Variants in CDKAL1 observed in about 807,000 individuals in gnomAD.
CDKAL1 encodes the protein threonylcarbamoyladenosine tRNA methylthiotransferase.
In CDKAL1, 32 loss-of-function variants were observed where a neutral mutation model predicts 68.2. That is an observed-to-expected ratio of 0.47 (90% confidence interval 0.35 to 0.63). CDKAL1 has a LOEUF of 0.63. Ranked by LOEUF, CDKAL1 falls within the 30% of genes least tolerant of loss-of-function variation. The pLI, the probability that CDKAL1 is intolerant of heterozygous loss-of-function variation, is 0.00. For synonymous variants in CDKAL1, 234 were observed against 244.3 expected (o/e 0.96, Z 0.39); for missense variants, 606 against 696.7 (o/e 0.87, Z 1.47).
intron 8 of CDKAL1, among the ~76,000 whole-genome samples, chr6:20,802,896 C>T (rs1331653029): frequency 6.6e-6 from 1 of 152,098 alleles, no homozygotes; most frequent in Non-Finnish European, 1.5e-5. Context: ...GAGAAGAGTA[C>T]TGCTGAAATT....
chr6:21,131,920 C>CATT (rs1775340279), intron 13 of CDKAL1, among the ~76,000 whole-genome samples: 1 of 151,922 alleles, frequency 6.6e-6, no homozygotes, highest in Non-Finnish European at 1.5e-5. Context: ...TCTAAGGCAT[C>CATT]AGTAAGACTT....
chr6:21,128,798 AC>A (rs529089112), intron 13 of CDKAL1, among the ~76,000 whole-genome samples: 1 of 152,230 alleles, frequency 6.6e-6, no homozygotes, highest in Non-Finnish European at 1.5e-5. Flanking sequence ...AGGAATGACA[AC>A]CTTGCTTAGG....
chr6:20,852,392 A>G (rs1434284902), intron 9 of CDKAL1, among the ~76,000 whole-genome samples: 1 of 152,248 alleles, frequency 6.6e-6, no homozygotes, highest in Admixed American at 6.5e-5. Flanking sequence ...GAGACACTGA[A>G]TGATATAGTA....
intron 9 of CDKAL1, among the ~76,000 whole-genome samples, chr6:20,925,714 A>G (rs770841399): frequency 6.6e-6 from 1 of 152,182 alleles, no homozygotes; most frequent in Non-Finnish European, 1.5e-5. Flanking sequence ...TCTTTTAAAT[A>G]GACTTACCGA....
intron 11 of CDKAL1, among the ~76,000 whole-genome samples, chr6:21,029,668 G>GA (rs1322737936): frequency 3.3e-5 from 5 of 152,048 alleles, no homozygotes; most frequent in Non-Finnish European, 5.9e-5. Flanking sequence ...GTGGGCGAAG[G>GA]ATATGAGCAG....
chr6:21,076,838 T>C (rs1376008436), intron 12 of CDKAL1, among the ~76,000 whole-genome samples: 1 of 152,190 alleles, frequency 6.6e-6, no homozygotes, highest in Non-Finnish European at 1.5e-5. Context: ...AGTCCTTTCT[T>C]CTGGACACAT....
chr6:20,595,042 T>C (rs1561951653), intron 4 of CDKAL1, among the ~76,000 whole-genome samples: 1 of 152,246 alleles, frequency 6.6e-6, no homozygotes, highest in African/African-American at 2.4e-5. Context: ...AGAAATCCAC[T>C]GTTAGTCTGA....
chr6:20,812,026 G>A (rs1276102535), intron 8 of CDKAL1, among the ~76,000 whole-genome samples: 1 of 152,076 alleles, frequency 6.6e-6, no homozygotes, highest in Non-Finnish European at 1.5e-5. Context: ...CTCTGGCCTG[G>A]ATCCATTATT....
chr6:20,862,943 C>T (rs1759723070), intron 9 of CDKAL1, among the ~76,000 whole-genome samples: 1 of 152,164 alleles, frequency 6.6e-6, no homozygotes, highest in African/African-American at 2.4e-5. Flanking sequence ...AGGAGAATCA[C>T]TTGAACCCGG....
chr6:21,135,949 TCAAGTA>T (rs1775574359), intron 13 of CDKAL1, among the ~76,000 whole-genome samples: 1 of 152,232 alleles, frequency 6.6e-6, no homozygotes, highest in Non-Finnish European at 1.5e-5. Flanking sequence ...TAAACTTCCT[TCAAGTA>T]TATAAATACC....
chr6:20,620,826 T>G (rs1767158669), intron 4 of CDKAL1, among the ~76,000 whole-genome samples: 1 of 152,172 alleles, frequency 6.6e-6, no homozygotes. Flanking sequence ...GTGCCTCTCT[T>G]TCCCTGCCAT....
intron 4 of CDKAL1, among the ~76,000 whole-genome samples, chr6:20,572,336 T>A (rs560722101): frequency 6.6e-6 from 1 of 152,296 alleles, no homozygotes; most frequent in African/African-American, 2.4e-5. Context: ...TTGTAACACA[T>A]ACATTTTAAT....
intron 9 of CDKAL1, among the ~76,000 whole-genome samples, chr6:20,925,696 A>G (rs1763153314): frequency 6.6e-6 from 1 of 152,194 alleles, no homozygotes; most frequent in African/African-American, 2.4e-5. Flanking sequence ...CAGAAAATAT[A>G]GAAATCTTCT....
intron 11 of CDKAL1, among the ~76,000 whole-genome samples, chr6:21,026,217 A>G (rs1397018357): frequency 6.6e-6 from 1 of 152,158 alleles, no homozygotes; most frequent in Non-Finnish European, 1.5e-5. Context: ...AACATTAGAT[A>G]ATACAAACCT....
Position 21,003,098 on chromosome 6 carries a change from T to C in CDKAL1, c.1055+2726T>C, listed in dbSNP as rs369374108. On this transcript the variant is annotated intron_variant, in intron 11 of 15. Transcript: ENST00000274695. ...GAAGAATAATATAGACTTACTCCCATGAGGACAGTATAATCAGCTTTGCCA... is the reference window on the plus strand; with the variant it reads ...GAAGAATAATATAGACTTACTCCCACGAGGACAGTATAATCAGCTTTGCCA... Among the ~76,000 whole-genome samples the C allele has an allele frequency of 8.6e-5, 13 of 151,970 alleles. No homozygotes were observed. The East Asian group carries it at 2.1e-3, about 25-fold the overall frequency.
intron 15 of CDKAL1, among the ~76,000 whole-genome samples, chr6:21,209,289 A>G (rs1253252572): frequency 1.3e-5 from 2 of 152,180 alleles, no homozygotes; most frequent in Non-Finnish European, 2.9e-5. Context: ...CGTTCAAGAT[A>G]GGAGGCAGAA....
intron 8 of CDKAL1, among the ~76,000 whole-genome samples, chr6:20,783,995 A>G (rs1243493841): frequency 1.3e-5 from 2 of 152,226 alleles, no homozygotes; most frequent in Middle Eastern, 3.4e-3. Context: ...TGGATGGATC[A>G]TGAGGGCAGG....
intron 8 of CDKAL1, among the ~76,000 whole-genome samples, chr6:20,810,690 GTTTA>G (rs1776779424): frequency 6.8e-6 from 1 of 146,888 alleles, no homozygotes; most frequent in African/African-American, 2.5e-5. Flanking sequence ...AAAAAAAAGT[GTTTA>G]TTCATTCTCT....
At chr6:20,788,557 C>G (rs1417362836) in intron 8 of CDKAL1, among the ~76,000 whole-genome samples, 2 of 152,144 alleles carry the variant, frequency 1.3e-5, no homozygotes, top group Non-Finnish European at 2.9e-5. Context: ...GTCATAGACA[C>G]TTTATTTTCT....
Sources: gnomAD v4.1 joint callset for allele counts (sites outside exome capture counted in the v4.1 genomes callset) on GRCh38, gnomAD v4.1.1 for gene constraint, MANE v1.5 for transcripts, NCBI Gene and HGNC (gene_info 2026-07-23, HGNC 2026-07-21) for gene names.